The following ADAM28 variants were observed in gnomAD, a reference collection of about 807,000 sequenced individuals.
The protein encoded by ADAM28 is disintegrin and metalloproteinase domain-containing protein 28.
ADAM28 carries 105 observed loss-of-function variants against 101.2 expected under a neutral mutation model. The observed-to-expected ratio is 1.04, with a 90% CI of 0.89 to 1.22. The LOEUF is 1.22. Ranked by LOEUF, ADAM28 falls within the 50% of genes most tolerant of loss-of-function variation. ADAM28 has a pLI of 0.00. For missense variants in ADAM28, 1,028 were observed against 945.4 expected (o/e 1.09, Z -1.15); for synonymous variants, 322 against 310.6 (o/e 1.04, Z -0.39).
chr8:24,356,704 T>G lies in ADAM28; in HGVS notation c.*2300T>G, dbSNP rs1816710369. On this transcript the variant is annotated 3_prime_UTR_variant, in exon 23 of 23. Transcript: ENST00000265769. ...GAATTCCGCTTATTTGACATTTAAC[T>G]ACCTCAGATATGCCACCAAACCTGT... is the stretch of plus-strand genomic sequence containing the variant. 1 of 152,180 alleles carries G rather than the reference T, an allele frequency of 6.6e-6. No individual in the cohort carries two copies. Among genetic ancestry groups the G allele is most frequent in the African/African-American group, 2.4e-5 (1 of 41,444 alleles). The allele number at this position is 152,180 out of a possible 1,614,324, so 9.4% of individuals were successfully genotyped here. A position where few individuals can be genotyped will look rare whatever the true frequency, so the allele number is the denominator to read the frequency against.
At chr8:24,306,363 AATATAT>A (rs543308272) in intron 2 of ADAM28, among the ~76,000 whole-genome samples, 13 of 108,502 alleles carry the variant, frequency 1.2e-4, no homozygotes, top group Non-Finnish European at 2.3e-4. Flanking sequence ...TAAATAAATA[AATATAT>A]ATATATATAT....
At chr8:24,313,293 A>G in intron 5 of ADAM28, 95 bp from the exon 6 acceptor site, 1 of 1,184,170 alleles carries the variant, frequency 8.4e-7, no homozygotes, top group Non-Finnish European at 1.2e-6. Context: ...GACATTGACT[A>G]GGAATTTTAA....
Position 24,300,032 on chromosome 8 carries a change from A to G in ADAM28, c.105A>G (p.Arg35=), listed in dbSNP as rs375587519. 10 of 1,613,600 alleles carry G rather than the reference A, an allele frequency of 6.2e-6. No homozygotes were observed. The highest frequency in any genetic ancestry group is 8.5e-6 in the Non-Finnish European group (10 of 1,179,984). ...VKKYEVVYPI[R]LHPLHKREAK... is the part of the protein sequence containing the mutation. ...AGTATGAAGTGGTTTATCCTATAAG[A>G]CTTCATCCACTGCATAAAAGAGAGG... Residue 35 remains arginine (R), a synonymous_variant, in exon 2 of 23, where the codon AGA becomes AGG. Transcript: ENST00000265769.
rs1369082 is a variant in ADAM28, at chr8:24,354,951, G to A, written c.*547G>A. 46,543 of 152,322 alleles carry A rather than the reference G, an allele frequency of 0.31. 8,289 individuals carry two copies. The highest frequency in any genetic ancestry group is 0.4 in the Admixed American group (6,125 of 15,228). The allele number at this position is 152,322 out of a possible 1,614,324, so 9.4% of individuals were successfully genotyped here. A position where few individuals can be genotyped will look rare whatever the true frequency, so the allele number is the denominator to read the frequency against. The stretch of plus-strand genomic sequence containing the variant: ...TTGGTATAACTAAGAATTTAAAAAT[G>A]TTTTATCATATATATTTGTATAATT... On this transcript the variant is annotated 3_prime_UTR_variant, in exon 23 of 23. Coordinates refer to ENST00000265769, the MANE Select transcript of ADAM28 (RefSeq NM_014265.6).
In ADAM28 at chr8:24,335,426, C is replaced by CT; in HGVS notation, c.1372-19dup. ...GCAGGTAGGGAGAATAAAAAGCCTT[C>CT]TATTTTTGTTTTTCTACAGTTTAAA... On this transcript the variant is annotated intron_variant, in intron 13 of 22. Coordinates refer to ENST00000265769, the MANE Select transcript of ADAM28 (RefSeq NM_014265.6). 1 of 1,581,704 alleles carries CT rather than the reference C, an allele frequency of 6.3e-7. No homozygotes were observed. Among genetic ancestry groups the CT allele is most frequent in the Non-Finnish European group, 8.6e-7 (1 of 1,164,746 alleles).
At chr8:24,343,401 G>C (rs1168370388) in intron 17 of ADAM28, 105 bp from the exon 18 acceptor site, 1 of 1,204,898 alleles carries the variant, frequency 8.3e-7, no homozygotes, top group Non-Finnish European at 1.2e-6. Context: ...GAAGCCTGGA[G>C]ACTGGGGTTA....
At chr8:24,330,508 C>G (rs535536667) in intron 11 of ADAM28, among the ~76,000 whole-genome samples, 1 of 152,232 alleles carries the variant, frequency 6.6e-6, no homozygotes, top group Admixed American at 6.5e-5. Context: ...TCACACATTC[C>G]CTCCCTGAAT....
rs181435020 is a variant in ADAM28, at chr8:24,300,527, C to T, written c.150+450C>T. Among the ~76,000 whole-genome samples, 269 of 152,102 alleles carry T rather than the reference C, an allele frequency of 1.8e-3. 2 individuals are homozygous for T. Among genetic ancestry groups the T allele is most frequent in the Non-Finnish European group, 2.7e-3 (182 of 67,954 alleles). On this transcript the variant is annotated intron_variant, in intron 2 of 22. Transcript: ENST00000265769. Reference sequence around the variant, plus strand: ...CGCCTCCCAGGTTCACGCCATTCTCCGCCTCAGCCTCCCGAGTAGCTGGGA... The same window carrying T: ...CGCCTCCCAGGTTCACGCCATTCTCTGCCTCAGCCTCCCGAGTAGCTGGGA...
intron 15 of ADAM28, among the ~76,000 whole-genome samples, chr8:24,339,805 C>T (rs546492577): frequency 1.3e-5 from 2 of 152,214 alleles, no homozygotes; most frequent in Admixed American, 6.5e-5. Context: ...TCAGATGACA[C>T]AAAGCACAGT....
Position 24,339,508 on chromosome 8 carries a change from G to A in ADAM28, c.1610G>A (p.Gly537Asp). Residue 537 changes from glycine to aspartate, a missense_variant, in exon 15 of 23, where the codon GGT (glycine) becomes GAT (aspartate). Coordinates refer to ENST00000265769, the MANE Select transcript of ADAM28 (RefSeq NM_014265.6). ...ADKSCYNRNE[G>D]GSKYGYCRRV... is the part of the protein sequence containing the mutation. ...AAGTCATGTTACAACAGGAATGAAG[G>A]TGGGTCAAAGTACGGGTACTGTCGC... 6.2e-7 allele frequency: 1 copy of A among 1,613,464 alleles called. No homozygotes were observed. Among genetic ancestry groups the A allele is most frequent in the South Asian group, 1.1e-5 (1 of 90,972 alleles).
intron 9 of ADAM28, 126 bp from the exon 10 acceptor site, chr8:24,326,428 G>A: frequency 1.2e-6 from 1 of 849,186 alleles, no homozygotes. Context: ...AAAAACTAAA[G>A]AAAAATATGA....
At chr8:24,337,841 G>A (rs1563314607) in intron 14 of ADAM28, among the ~76,000 whole-genome samples, 1 of 152,138 alleles carries the variant, frequency 6.6e-6, no homozygotes, top group Non-Finnish European at 1.5e-5. Context: ...TGAAAATGTG[G>A]CTAAGGCATA....
At chr8:24,344,136 T>C (rs748156997) in intron 18 of ADAM28, among the ~76,000 whole-genome samples, 7 of 152,168 alleles carry the variant, frequency 4.6e-5, no homozygotes, top group Non-Finnish European at 7.4e-5. Context: ...GATATTTCTC[T>C]TGATGGGGGA....
chr8:24,308,029 C>T (rs1054113018), intron 2 of ADAM28, among the ~76,000 whole-genome samples: 5 of 152,160 alleles, frequency 3.3e-5, no homozygotes, highest in African/African-American at 1.2e-4. Context: ...TTGCTCCATC[C>T]CAGAAACATC....
At chr8:24,327,791 A>G (rs1046565053) in intron 10 of ADAM28, among the ~76,000 whole-genome samples, 3 of 152,104 alleles carry the variant, frequency 2.0e-5, no homozygotes, top group Non-Finnish European at 2.9e-5. Flanking sequence ...TGGGGAAAGG[A>G]TTCTCTATTT....
intron 6 of ADAM28, among the ~76,000 whole-genome samples, chr8:24,315,644 G>T (rs549691065): frequency 3.9e-5 from 6 of 151,958 alleles, no homozygotes; most frequent in African/African-American, 1.4e-4. Context: ...AAGGTGTACT[G>T]CTTAGTACTT....
chr8:24,297,973 T>C (rs1039556648), intron 1 of ADAM28, among the ~76,000 whole-genome samples: 1 of 152,172 alleles, frequency 6.6e-6, no homozygotes, highest in African/African-American at 2.4e-5. Context: ...AATGAGGAAC[T>C]GAAGAACCCC....
intron 8 of ADAM28, 149 bp downstream of exon 8, chr8:24,321,438 T>G (rs866882600): frequency 1.1e-5 from 8 of 714,568 alleles, no homozygotes; most frequent in Admixed American, 2.0e-5. Flanking sequence ...ACCACAACTT[T>G]TGCTACATAG....
In ADAM28 at chr8:24,335,475, A is replaced by G; in HGVS notation, c.1401A>G (p.Pro467=). Residue 467 remains proline (P), a synonymous_variant, in exon 14 of 23, where the codon CCA becomes CCG. Transcript: ENST00000265769. ...AAAAGGCTGGGATGGTGTGCAGACCAGCAAAAGATGAGTGCGACCTGCCTG... is the reference window on the plus strand; with the variant it reads ...AAAAGGCTGGGATGGTGTGCAGACCGGCAAAAGATGAGTGCGACCTGCCTG... The part of the protein sequence containing the change: ...QFKKAGMVCR[P]AKDECDLPEM... The G allele has an allele frequency of 6.2e-7, 1 of 1,613,818 alleles. No individual in the cohort carries two copies. Among genetic ancestry groups the G allele is most frequent in the East Asian group, 2.2e-5 (1 of 44,878 alleles).
Sources: gnomAD v4.1 joint callset for allele counts (sites outside exome capture counted in the v4.1 genomes callset) on GRCh38, gnomAD v4.1.1 for gene constraint, MANE v1.5 for transcripts, NCBI Gene and HGNC (gene_info 2026-07-23, HGNC 2026-07-21) for gene names.